Variants in FAM110A observed in about 807,000 individuals in gnomAD.
FAM110A encodes the protein protein FAM110A.
Under a neutral mutation model 4.0 loss-of-function variants are expected in FAM110A, and 1 was observed. The ratio of observed to expected loss-of-function variants is 0.25; its 90% CI spans 0.09 to 1.20. FAM110A has a LOEUF of 1.20. FAM110A is among the 50% of genes most tolerant of loss of function. The pLI, the probability that FAM110A is intolerant of heterozygous loss-of-function variation, is 0.50. For synonymous variants in FAM110A, 217 were observed against 196.8 expected (o/e 1.10, Z -0.86); for missense variants, 436 against 429.2 (o/e 1.02, Z -0.14).
At position 845,274 on chromosome 20, in the gene FAM110A, GC is replaced by G; in HGVS notation, c.475del (p.Leu159CysfsTer33). ...TCTGCGGTCCGCCGGGTGGACGTCC[GC>G]CCCCTGCCCGCCTCGCCTGCCCGGC... ...STSAVRRVDV[R>X]PLPASPARPC... On this transcript the variant is annotated frameshift_variant, in exon 2 of 2. Transcript: ENST00000381941. LOFTEE classifies it high-confidence loss of function. The G allele has an allele frequency of 6.7e-7, 1 of 1,493,878 alleles. No individual in the cohort carries two copies. The highest frequency in any genetic ancestry group is 8.9e-7 in the Non-Finnish European group (1 of 1,125,194). 92.5% of individuals were successfully genotyped at this position (1,493,878 alleles called of 1,614,324 possible).
chr20:841,710 G>A (rs999038149), intron 1 of FAM110A, among the ~76,000 whole-genome samples: 7 of 152,272 alleles, frequency 4.6e-5, no homozygotes, highest in African/African-American at 1.4e-4. Flanking sequence ...GGCGGTTGGG[G>A]GCATCCGTGG....
In FAM110A at chr20:844,691, T is replaced by A; in HGVS notation, c.-97-17T>A. ...CGCGCTCGGCTTTTTTTTTTTTTTCTCTCTCCTTCCCTGCAGCAGTGGCCG... is the reference window on the plus strand; with the variant it reads ...CGCGCTCGGCTTTTTTTTTTTTTTCACTCTCCTTCCCTGCAGCAGTGGCCG... On this transcript the variant is annotated splice_polypyrimidine_tract_variant and intron_variant, in intron 1 of 1. Transcript: ENST00000381941. The A allele has an allele frequency of 8.1e-7, 1 of 1,241,692 alleles. No homozygotes were observed. Among genetic ancestry groups the A allele is most frequent in the South Asian group, 2.8e-5 (1 of 35,410 alleles). 76.9% of individuals were successfully genotyped at this position (1,241,692 alleles called of 1,614,324 possible).
At chr20:839,964 T>C in intron 1 of FAM110A, 1 of 1,475,728 alleles carries the variant, frequency 6.8e-7, no homozygotes, top group Non-Finnish European at 9.4e-7. Flanking sequence ...CCGGTTCTTC[T>C]TAGGCATCAG....
At chr20:843,580 T>C (rs768030573) in intron 1 of FAM110A, among the ~76,000 whole-genome samples, 11 of 152,214 alleles carry the variant, frequency 7.2e-5, no homozygotes, top group Admixed American at 1.3e-4. Context: ...ACTGTAAGCC[T>C]TCTTGGGGAA....
At chr20:835,157 T>G (rs1979501125) in intron 1 of FAM110A, among the ~76,000 whole-genome samples, 1 of 140,090 alleles carries the variant, frequency 7.1e-6, no homozygotes. Flanking sequence ...TGAAGTGCAG[T>G]CCTCCCATCT....
At position 845,319 on chromosome 20, in the gene FAM110A, C is replaced by A; in HGVS notation, c.515C>A (p.Pro172His). The change falls in exon 2 of 2, where the codon CCT becomes CAT. Residue 172 changes from proline (P) to histidine (H), a missense_variant. By Grantham distance (77) the Pro-to-His change is moderately conservative. Coordinates refer to ENST00000381941, the MANE Select transcript of FAM110A (RefSeq NM_001042353.3). ...GCCCGGCCCTGCCCATCACCCGGCC[C>A]TGCCGCCGCCTCCAGCCCAGCCCGG... is the stretch of plus-strand genomic sequence containing the variant. ...SPARPCPSPG[P>H]AAASSPARPP... 1.3e-6 allele frequency: 2 copies of A among 1,556,546 alleles called. No homozygotes were observed. Among genetic ancestry groups the A allele is most frequent in the Non-Finnish European group, 1.7e-6 (2 of 1,150,990 alleles).
At chr20:839,468 T>C (rs899412318) in intron 1 of FAM110A, 1 of 810,290 alleles carries the variant, frequency 1.2e-6, no homozygotes, top group Non-Finnish European at 2.2e-6. Context: ...GCTGACCACG[T>C]CCACGACCAC....
At chr20:841,828 C>T (rs1283806044) in intron 1 of FAM110A, among the ~76,000 whole-genome samples, 1 of 152,220 alleles carries the variant, frequency 6.6e-6, no homozygotes, top group African/African-American at 2.4e-5. Context: ...TGGCGGGAGC[C>T]GCTGCACCTC....
chr20:839,500 C>T (rs11906867), intron 1 of FAM110A: 92,105 of 969,324 alleles, frequency 0.095, 5,652 homozygotes, highest in South Asian at 0.16. Context: ...AACTGGAATT[C>T]GGTTGCTGAC....
chr20:844,476 T>C (rs1405916633), intron 1 of FAM110A, among the ~76,000 whole-genome samples: 3 of 151,818 alleles, frequency 2.0e-5, no homozygotes, highest in Non-Finnish European at 2.9e-5. Context: ...CTAGCACCTT[T>C]TTTCCTCTCT....
Position 845,242 on chromosome 20 carries a change from C to T in FAM110A, c.438C>T (p.Pro146=). 6.5e-7 allele frequency: 1 copy of T among 1,526,730 alleles called. No homozygotes were observed. The highest frequency in any genetic ancestry group is 8.8e-7 in the Non-Finnish European group (1 of 1,138,590). 94.6% of individuals were successfully genotyped at this position (1,526,730 alleles called of 1,614,324 possible). The change falls in exon 2 of 2, where the codon CCC becomes CCT. Residue 146 remains proline (P), a synonymous_variant. Transcript: ENST00000381941. The stretch of plus-strand genomic sequence containing the variant: ...CAGCCACCCCTCCGCGACCGCCGCC[C>T]AGTACCTCTGCGGTCCGCCGGGTGG... ...PPPATPPRPP[P]STSAVRRVDV...
chr20:839,560 G>A (rs11905405), intron 1 of FAM110A: 104,282 of 998,750 alleles, frequency 0.1, 6,298 homozygotes, highest in South Asian at 0.16. Context: ...ACAGAACACC[G>A]TCTGTAGGTA....
chr20:843,375 T>G (rs1049035036), intron 1 of FAM110A, among the ~76,000 whole-genome samples: 1 of 152,186 alleles, frequency 6.6e-6, no homozygotes, highest in Non-Finnish European at 1.5e-5. Context: ...CTACCATGGA[T>G]GGAAATGCTG....
chr20:842,002 TG>T (rs1979952758), intron 1 of FAM110A, among the ~76,000 whole-genome samples: 1 of 152,212 alleles, frequency 6.6e-6, no homozygotes, highest in Non-Finnish European at 1.5e-5. Flanking sequence ...GAAATCTTCT[TG>T]AAGACCAGGA....
intron 1 of FAM110A, among the ~76,000 whole-genome samples, chr20:837,356 C>T (rs1979638861): frequency 6.6e-6 from 1 of 152,128 alleles, no homozygotes; most frequent in African/African-American, 2.4e-5. Context: ...AGTCATGACT[C>T]TGCATTCTTA....
chr20:835,381 A>G (rs1460313831), intron 1 of FAM110A, among the ~76,000 whole-genome samples: 1 of 151,946 alleles, frequency 6.6e-6, no homozygotes. Flanking sequence ...CTGAGCTAAG[A>G]AGTCATGATG....
In FAM110A at chr20:845,724, G is replaced by A; in HGVS notation, c.*32G>A. On this transcript the variant is annotated 3_prime_UTR_variant, in exon 2 of 2. Transcript: ENST00000381941. ...CTGGGCCTGGAATTCGCCACAGGACGGATCTTACAGAGGCAAGTGGTCCCT... is the reference window on the plus strand; with the variant it reads ...CTGGGCCTGGAATTCGCCACAGGACAGATCTTACAGAGGCAAGTGGTCCCT... 1 of 1,612,784 alleles carries A rather than the reference G, an allele frequency of 6.2e-7. No individual in the cohort carries two copies.
Position 845,094 on chromosome 20 carries a change from G to T in FAM110A, c.290G>T (p.Cys97Phe). Residue 97 changes from cysteine to phenylalanine, a missense_variant, in exon 2 of 2, where the codon TGC (cysteine) becomes TTC (phenylalanine). Physicochemically the swap from Cys to Phe is radical, Grantham distance 205. Coordinates refer to ENST00000381941, the MANE Select transcript of FAM110A (RefSeq NM_001042353.3). ...AGCCGCCGAGCCCTGCCTGGCCCCT[G>T]CCGACGGCCCCAGCTGGACCTGGAC... is the stretch of plus-strand genomic sequence containing the variant. ...TPSRRALPGP[C>F]RRPQLDLDIL... The T allele has an allele frequency of 6.3e-7, 1 of 1,596,426 alleles. No individual in the cohort carries two copies.
rs543063987 is a variant in FAM110A at position 841,267 on chromosome 20, C to T, written c.-97-3441C>T. On this transcript the variant is annotated intron_variant, in intron 1 of 1. Coordinates refer to ENST00000381941, the MANE Select transcript of FAM110A (RefSeq NM_001042353.3). ...GCGCAAACTCAGCTTGCCGGAGCCCCAGGTGGGCCGGGCCGGAGGAGCGCA... is the reference window on the plus strand; with the variant it reads ...GCGCAAACTCAGCTTGCCGGAGCCCTAGGTGGGCCGGGCCGGAGGAGCGCA... 737 of 152,338 alleles carry T rather than the reference C, an allele frequency of 4.8e-3. 3 individuals are homozygous for T. The highest frequency in any genetic ancestry group is 8.2e-3 in the Non-Finnish European group (561 of 68,094). The allele number at this position is 152,338 out of a possible 1,614,324, so 9.4% of individuals were successfully genotyped here. A position where few individuals can be genotyped will look rare whatever the true frequency, so the allele number is the denominator to read the frequency against.
Sources: gnomAD v4.1 joint callset for allele counts (sites outside exome capture counted in the v4.1 genomes callset) on GRCh38, gnomAD v4.1.1 for gene constraint, MANE v1.5 for transcripts, NCBI Gene and HGNC (gene_info 2026-07-23, HGNC 2026-07-21) for gene names.